GRAMD1B: variants seen among roughly 807,000 people sequenced by gnomAD.
GRAMD1B encodes GRAM domain containing 1B.
In GRAMD1B, 37 loss-of-function variants were observed where a neutral mutation model predicts 99.7. The observed-to-expected ratio is 0.37, with a 90% CI of 0.29 to 0.49. The LOEUF is 0.49. GRAMD1B is among the 20% of genes least tolerant of loss of function. GRAMD1B has a pLI of 0.98. For synonymous variants in GRAMD1B, 427 were observed against 387.6 expected (o/e 1.10, Z -1.19); for missense variants, 888 against 1,009.2 (o/e 0.88, Z 1.63).
intron 1 of GRAMD1B, among the ~76,000 whole-genome samples, chr11:123,407,295 G>A (rs1420385011): frequency 6.7e-6 from 1 of 150,270 alleles, no homozygotes; most frequent in South Asian, 2.1e-4. Flanking sequence ...GGGAACTCTC[G>A]AAACCACAGA....
chr11:123,478,947 G>C (rs1470950276), intron 1 of GRAMD1B, among the ~76,000 whole-genome samples: 1 of 152,180 alleles, frequency 6.6e-6, no homozygotes, highest in Admixed American at 6.5e-5. Context: ...GTATATAAGG[G>C]GATGCTTGAT....
intron 1 of GRAMD1B, among the ~76,000 whole-genome samples, chr11:123,456,030 GTGTGGTGGCA>G (rs1209759447): frequency 6.6e-6 from 1 of 152,114 alleles, no homozygotes; most frequent in Non-Finnish European, 1.5e-5. Flanking sequence ...AATTAGCTGG[GTGTGGTGGCA>G]CACACCTGTA....
chr11:123,405,098 A>G (rs1947806763), intron 1 of GRAMD1B, among the ~76,000 whole-genome samples: 1 of 152,140 alleles, frequency 6.6e-6, no homozygotes, highest in African/African-American at 2.4e-5. Flanking sequence ...AGAGAGAGAG[A>G]GGGAGAGAAT....
At position 123,587,990 on chromosome 11, in the gene GRAMD1B, C is replaced by CCCCAG. The variant is rs957378251; in HGVS notation, c.684+3672_684+3676dup. 4.6e-5 allele frequency among the ~76,000 whole-genome samples: 7 copies of CCCCAG among 151,880 alleles called. No homozygotes were observed. Among genetic ancestry groups the CCCCAG allele is most frequent in the Non-Finnish European group, 8.8e-5 (6 of 67,924 alleles). On this transcript the variant is annotated intron_variant, in intron 4 of 19. Transcript: ENST00000635736. This position sits in a 1 kb window ranked among gnomAD's most constrained non-coding sequence, Gnocchi z 4.2. ...CCCTTCCTGAGTTTTTCAGATGAGC[C>CCCCAG]CCCAGCCCAGCCCAGCCCCACCCCT...
At chr11:123,468,543 T>C (rs1329582549) in intron 1 of GRAMD1B, among the ~76,000 whole-genome samples, 1 of 152,092 alleles carries the variant, frequency 6.6e-6, no homozygotes, top group African/African-American at 2.4e-5. Flanking sequence ...CCTGTAATCC[T>C]GGCACTTCGG....
At chr11:123,564,620 C>T (rs1947149831) in intron 2 of GRAMD1B, among the ~76,000 whole-genome samples, 1 of 152,236 alleles carries the variant, frequency 6.6e-6, no homozygotes, top group African/African-American at 2.4e-5. Context: ...TTCTTAGAGT[C>T]AGGGACAGTA....
intron 1 of GRAMD1B, among the ~76,000 whole-genome samples, chr11:123,393,485 A>G (rs1591419048): frequency 6.6e-6 from 1 of 152,196 alleles, no homozygotes; most frequent in East Asian, 1.9e-4. Context: ...CATTTGAAGC[A>G]TTGACTGGGG....
At position 123,437,206 on chromosome 11, in the gene GRAMD1B, G is replaced by A. The variant is rs115908537; in HGVS notation, c.374+6040G>A. 5.0e-3 allele frequency among the ~76,000 whole-genome samples: 754 copies of A among 152,238 alleles called. 7 individuals carry two copies. The highest frequency in any genetic ancestry group is 0.017 in the African/African-American group (690 of 41,528). ...TTGCCCTCTGAGCTCAGGGAATAGC[G>A]TAGCCTGCAGTTGATGGGGCAGGCT... On this transcript the variant is annotated intron_variant, in intron 1 of 19. Coordinates refer to ENST00000635736, the MANE Select transcript of GRAMD1B (RefSeq NM_001387025.1).
chr11:123,585,949 TTC>T (rs146540420), intron 4 of GRAMD1B, among the ~76,000 whole-genome samples: 1,891 of 152,296 alleles, frequency 0.012, 29 homozygotes, highest in African/African-American at 0.032. Context: ...GCCCTTTGCT[TTC>T]TGACTCCACC....
chr11:123,393,731 T>C (rs1039283190), intron 1 of GRAMD1B, among the ~76,000 whole-genome samples: 6 of 152,224 alleles, frequency 3.9e-5, no homozygotes, highest in African/African-American at 1.4e-4. Flanking sequence ...CATCCTGTTG[T>C]CTTTGTAATC....
At chr11:123,485,082 G>A (rs1232298645) in intron 2 of GRAMD1B, among the ~76,000 whole-genome samples, 1 of 152,166 alleles carries the variant, frequency 6.6e-6, no homozygotes, top group Non-Finnish European at 1.5e-5. Flanking sequence ...ATGCCCCTGG[G>A]TGGCAGATGG....
At chr11:123,620,586 C>A (rs1402744036) in intron 19 of GRAMD1B, among the ~76,000 whole-genome samples, 1 of 150,266 alleles carries the variant, frequency 6.7e-6, no homozygotes, top group Non-Finnish European at 1.5e-5. Context: ...TTATTTTAAA[C>A]CAAAAGGGGA....
At chr11:123,576,814 T>A (rs1343217293) in intron 2 of GRAMD1B, among the ~76,000 whole-genome samples, 1 of 152,222 alleles carries the variant, frequency 6.6e-6, no homozygotes, top group East Asian at 1.9e-4. Context: ...CAGGCACTGG[T>A]CTTCATTTTT....
intron 2 of GRAMD1B, among the ~76,000 whole-genome samples, chr11:123,558,974 C>T (rs1452865389): frequency 6.6e-6 from 1 of 152,254 alleles, no homozygotes; most frequent in African/African-American, 2.4e-5. Context: ...ATGCAGGTGA[C>T]ATCAATGGAT....
chr11:123,381,179 C>G (rs1946860825), intron 1 of GRAMD1B, among the ~76,000 whole-genome samples: 1 of 152,156 alleles, frequency 6.6e-6, no homozygotes, highest in Admixed American at 6.5e-5. Context: ...GGGTCTGTCT[C>G]TATAAGATGC....
intron 2 of GRAMD1B, among the ~76,000 whole-genome samples, chr11:123,502,724 G>T (rs1006093863): frequency 7.6e-5 from 11 of 144,340 alleles, no homozygotes; most frequent in Admixed American, 7.3e-4. Context: ...GCAGTGAGCT[G>T]AGATAGTGCC....
At chr11:123,520,506 C>T (rs1041831811) in intron 2 of GRAMD1B, among the ~76,000 whole-genome samples, 8 of 152,004 alleles carry the variant, frequency 5.3e-5, no homozygotes, top group African/African-American at 1.7e-4. Context: ...CGCGATGGCT[C>T]ACACCTGCAA....
rs141344210 is a variant in GRAMD1B, at chr11:123,510,879, C to T, written c.452+29986C>T. ...GACCTCAGGAGAGGCGAGGAGGTGC[C>T]AGGTCCTACAAAGCACATGCCCCAC... On this transcript the variant is annotated intron_variant, in intron 2 of 19. Transcript: ENST00000635736. The surrounding 1 kb of genome is among the most constrained non-coding windows in gnomAD (Gnocchi z 4.3). Among the ~76,000 whole-genome samples, 39 of 152,206 alleles carry T rather than the reference C, an allele frequency of 2.6e-4. No individual in the cohort carries two copies. The highest frequency in any genetic ancestry group is 5.3e-4 in the Non-Finnish European group (36 of 68,010).
chr11:123,435,416 C>T (rs891687122), intron 1 of GRAMD1B: 2 of 701,056 alleles, frequency 2.9e-6, no homozygotes, highest in Non-Finnish European at 5.2e-6. Flanking sequence ...TGTTTTTTTA[C>T]TTGTCACTGA....
Sources: allele counts gnomAD v4.1 joint callset (sites outside exome capture counted in the v4.1 genomes callset), GRCh38; gene constraint gnomAD v4.1.1; non-coding constraint Gnocchi (gnomAD v3.1); transcripts MANE v1.5; gene names NCBI Gene and HGNC (gene_info 2026-07-23, HGNC 2026-07-21).